The following LETM1 variants were observed in gnomAD, a reference collection of about 807,000 sequenced individuals.
The protein encoded by LETM1 is mitochondrial proton/calcium exchanger protein.
LETM1 carries 50 observed loss-of-function variants against 74.5 expected under a neutral mutation model. That is an observed-to-expected ratio of 0.67 (90% confidence interval 0.53 to 0.85). The LOEUF (loss-of-function observed/expected upper bound fraction) is 0.85. Ranked by LOEUF, LETM1 falls within the 40% of genes least tolerant of loss-of-function variation. The pLI is 0.00. For synonymous variants in LETM1, 446 were observed against 407.1 expected (o/e 1.10, Z -1.15); for missense variants, 824 against 967.8 (o/e 0.85, Z 1.97).
Position 1,856,021 on chromosome 4 carries a change from C to T in LETM1, c.-71G>A. 1 of 1,039,020 alleles carries T rather than the reference C, an allele frequency of 9.6e-7. No homozygotes were observed. The highest frequency in any genetic ancestry group is 1.2e-6 in the Non-Finnish European group (1 of 822,560). The allele number at this position is 1,039,020 out of a possible 1,614,324, so 64.4% of individuals were successfully genotyped here. A position where few individuals can be genotyped will look rare whatever the true frequency, so the allele number is the denominator to read the frequency against. On this transcript the variant is annotated 5_prime_UTR_variant, in exon 1 of 14. Transcript: ENST00000302787. ...CTCCGCGGCGGCCGCGGCTCTTCGC[C>T]GTCCCGGCGGCGCTTCAGACCCGGC...
At chr4:1,823,541 C>A in intron 8 of LETM1, 103 bp downstream of exon 8, 1 of 1,453,786 alleles carries the variant, frequency 6.9e-7, no homozygotes, top group Non-Finnish European at 9.5e-7. Context: ...AGGCTCCTCG[C>A]CCATGGTTGA....
In LETM1 at chr4:1,855,983, G is replaced by C; in HGVS notation, c.-33C>G. The stretch of plus-strand genomic sequence containing the variant: ...GGCGCGGCGGCCGCTCCGGCCTCCT[G>C]CGCTGCCTCCTTCTCCGCGGCGGCC... On this transcript the variant is annotated 5_prime_UTR_variant, in exon 1 of 14. Transcript: ENST00000302787. 8.5e-7 allele frequency: 1 copy of C among 1,178,910 alleles called. No homozygotes were observed. Among genetic ancestry groups the C allele is most frequent in the Non-Finnish European group, 1.1e-6 (1 of 947,646 alleles). 73.0% of individuals were successfully genotyped at this position (1,178,910 alleles called of 1,614,324 possible).
chr4:1,821,481 G>C (rs1319841681), intron 10 of LETM1, among the ~76,000 whole-genome samples: 1 of 151,678 alleles, frequency 6.6e-6, no homozygotes, highest in Non-Finnish European at 1.5e-5. Context: ...TTGAGGTCAG[G>C]GGTTTGAGAC....
chr4:1,828,803 GC>G (rs1712132097), intron 6 of LETM1, among the ~76,000 whole-genome samples: 1 of 141,934 alleles, frequency 7.0e-6, no homozygotes, highest in African/African-American at 2.6e-5. Context: ...GGCTGGCCGG[GC>G]AGGGGGGCTG....
intron 11 of LETM1, among the ~76,000 whole-genome samples, chr4:1,817,236 C>T (rs1711598234): frequency 9.6e-6 from 1 of 104,656 alleles, no homozygotes; most frequent in Non-Finnish European, 1.8e-5. Context: ...CAGAGCGAGA[C>T]TCTGTCTCCA....
chr4:1,849,972 C>T (rs936548773), intron 1 of LETM1, among the ~76,000 whole-genome samples: 11 of 152,154 alleles, frequency 7.2e-5, no homozygotes, highest in East Asian at 1.9e-4. Flanking sequence ...GCTTGACCAG[C>T]GGTGAAACCT....
chr4:1,835,270 C>G (rs573411404), intron 4 of LETM1, among the ~76,000 whole-genome samples: 13 of 152,092 alleles, frequency 8.5e-5, no homozygotes, highest in African/African-American at 2.9e-4. Context: ...CACGGTGAAA[C>G]CCCGTCTCTA....
Position 1,830,648 on chromosome 4 carries a change from C to A in LETM1, c.1080+2096G>T, listed in dbSNP as rs1712233981. ...TGTGCCTGGCCTTAGTATCTTCTCG[C>A]AATATCTTTTAATATTATTAATAAC... On this transcript the variant is annotated intron_variant, in intron 6 of 13. Transcript: ENST00000302787. Among the ~76,000 whole-genome samples the A allele has an allele frequency of 2.0e-5, 3 of 152,124 alleles. 1 individual carries two copies. The highest frequency in any genetic ancestry group is 7.2e-5 in the African/African-American group (3 of 41,418).
In LETM1 at chr4:1,816,905, C is replaced by A; in HGVS notation, c.1753G>T (p.Glu585Ter). 6.2e-7 allele frequency: 1 copy of A among 1,609,830 alleles called. No individual in the cohort carries two copies. Among genetic ancestry groups the A allele is most frequent in the Non-Finnish European group, 8.5e-7 (1 of 1,177,382 alleles). Residue 585 changes from glutamate to a stop codon, truncating the protein, a stop_gained, in exon 12 of 14, where the codon GAG (glutamate) becomes TAG (stop). Coordinates refer to ENST00000302787, the MANE Select transcript of LETM1 (RefSeq NM_012318.3). LOFTEE classifies it high-confidence loss of function. The stretch of plus-strand genomic sequence containing the variant: ...GTCTTTGAAAGTTCCTTCTTGATCT[C>A]CTGCAAGTCCTAATAAAATTATTTT... Reference protein sequence around the residue: ...DVQDYSEDLQEIKKELSKTGE... With the variant: ...DVQDYSEDLQ
chr4:1,845,292 A>C (rs1712843146), intron 2 of LETM1, among the ~76,000 whole-genome samples: 1 of 152,038 alleles, frequency 6.6e-6, no homozygotes, highest in South Asian at 2.1e-4. Flanking sequence ...TACAAAAACT[A>C]ATGTAAATGG....
intron 4 of LETM1, among the ~76,000 whole-genome samples, chr4:1,835,306 A>G (rs1308898605): frequency 6.6e-6 from 1 of 151,848 alleles, no homozygotes; most frequent in Non-Finnish European, 1.5e-5. Flanking sequence ...TTAGCCAGGC[A>G]TGCACACCTG....
intron 1 of LETM1, among the ~76,000 whole-genome samples, chr4:1,853,076 C>T (rs1577329994): frequency 6.6e-6 from 1 of 152,186 alleles, no homozygotes; most frequent in African/African-American, 2.4e-5. Context: ...GGGCACGGCA[C>T]AGTCCACACC....
At chr4:1,839,926 T>C (rs950187075) in intron 3 of LETM1, among the ~76,000 whole-genome samples, 15 of 152,170 alleles carry the variant, frequency 9.9e-5, no homozygotes, top group Non-Finnish European at 1.8e-4. Context: ...CTTTGCACTA[T>C]GCTTTATAGT....
chr4:1,849,312 T>A, intron 1 of LETM1, 103 bp from the exon 2 acceptor site: 1 of 782,596 alleles, frequency 1.3e-6, no homozygotes, highest in Non-Finnish European at 2.2e-6. Context: ...GCGCCCAGGC[T>A]AGAGTGCAAT....
At chr4:1,837,704 T>G (rs941248827) in intron 3 of LETM1, among the ~76,000 whole-genome samples, 3 of 148,162 alleles carry the variant, frequency 2.0e-5, no homozygotes, top group East Asian at 1.9e-4. Flanking sequence ...TACAAGTTTT[T>G]TTTTTTTTTT....
chr4:1,834,602 G>A lies in LETM1; in HGVS notation c.876+243C>T, dbSNP rs577742318. 8.5e-4 allele frequency: 1,134 copies of A among 1,337,014 alleles called. 4 individuals carry two copies. Among genetic ancestry groups the A allele is most frequent in the Non-Finnish European group, 9.6e-4 (1,003 of 1,041,950 alleles). The allele number at this position is 1,337,014 out of a possible 1,614,324, so 82.8% of individuals were successfully genotyped here. A position where few individuals can be genotyped will look rare whatever the true frequency, so the allele number is the denominator to read the frequency against. ...TGCTCCTGGACAGCTGCAGGGTGAT[G>A]AGACACAGACGCCCATAATTCTGAA... On this transcript the variant is annotated intron_variant, in intron 5 of 13. Coordinates refer to ENST00000302787, the MANE Select transcript of LETM1 (RefSeq NM_012318.3). The surrounding 1 kb of genome is among the most constrained non-coding windows in gnomAD (Gnocchi z 5.0).
rs866624239 is a variant in LETM1 at position 1,831,514 on chromosome 4, C to T, written c.1080+1230G>A. Among the ~76,000 whole-genome samples the T allele has an allele frequency of 3.3e-5, 5 of 152,368 alleles. No homozygotes were observed. The South Asian group carries it at 1.0e-3, about 32-fold the overall frequency. On this transcript the variant is annotated intron_variant, in intron 6 of 13. Coordinates refer to ENST00000302787, the MANE Select transcript of LETM1 (RefSeq NM_012318.3). ...GTCAAAGTCCCAACTCTCCGCTGGG[C>T]CCCCAAGGCCACCCCAGTGGTGGGG...
chr4:1,823,222 C>A, intron 8 of LETM1, 91 bp from the exon 9 acceptor site: 2 of 1,433,950 alleles, frequency 1.4e-6, no homozygotes, highest in Middle Eastern at 1.9e-4. Context: ...GTGTCCCCTG[C>A]CCCGTCACCA....
At chr4:1,851,209 G>C (rs1206403412) in intron 1 of LETM1, among the ~76,000 whole-genome samples, 3 of 152,210 alleles carry the variant, frequency 2.0e-5, no homozygotes, top group Non-Finnish European at 4.4e-5. Context: ...TGCCAGGCCA[G>C]GCTGTGCAGA....
Sources: gnomAD v4.1 joint callset for allele counts (sites outside exome capture counted in the v4.1 genomes callset) on GRCh38, gnomAD v4.1.1 for gene constraint, Gnocchi (gnomAD v3.1) non-coding constraint, MANE v1.5 for transcripts, NCBI Gene and HGNC (gene_info 2026-07-23, HGNC 2026-07-21) for gene names.